The following CCNY variants were observed in gnomAD, a reference collection of about 807,000 sequenced individuals.
CCNY encodes the protein cyclin Y.
A neutral mutation model predicts 42.8 loss-of-function variants in CCNY; 19 were observed. That is an observed-to-expected ratio of 0.44 (90% CI 0.31 to 0.65). The LOEUF (loss-of-function observed/expected upper bound fraction) is 0.65, where lower values mean the gene tolerates loss of function less well. Ranked by LOEUF, CCNY falls within the 30% of genes least tolerant of loss-of-function variation. The pLI, the probability that CCNY is intolerant of heterozygous loss-of-function variation, is 0.07. For synonymous variants in CCNY, 165 were observed against 162.7 expected (o/e 1.01, Z -0.11); for missense variants, 370 against 437.3 (o/e 0.85, Z 1.37).
At chr10:35,480,354 G>C (rs1839639468) in intron 1 of CCNY, among the ~76,000 whole-genome samples, 1 of 152,296 alleles carries the variant, frequency 6.6e-6, no homozygotes, top group East Asian at 1.9e-4. Flanking sequence ...TTCCCCCACA[G>C]AGAACAAGTG....
chr10:35,351,750 A>C (rs765073313), intron 1 of CCNY, among the ~76,000 whole-genome samples: 7 of 152,340 alleles, frequency 4.6e-5, no homozygotes, highest in Admixed American at 2.0e-4. Context: ...AGATACCCTT[A>C]CAGGACCTTT....
At chr10:35,300,593 G>A (rs1835522304) in intron 3 of CCNY, among the ~76,000 whole-genome samples, 2 of 151,738 alleles carry the variant, frequency 1.3e-5, no homozygotes, top group South Asian at 4.2e-4. Flanking sequence ...TTTTGCATTC[G>A]CTTATACAAT....
intron 1 of CCNY, among the ~76,000 whole-genome samples, chr10:35,382,000 A>G (rs908267047): frequency 2.0e-5 from 3 of 152,230 alleles, no homozygotes; most frequent in Admixed American, 2.0e-4. Context: ...TCAAGAAAAT[A>G]ATAGTTACTG....
At chr10:35,459,742 A>G (rs1839116436) in intron 1 of CCNY, among the ~76,000 whole-genome samples, 1 of 152,174 alleles carries the variant, frequency 6.6e-6, no homozygotes, top group Non-Finnish European at 1.5e-5. Flanking sequence ...TTGCACCATC[A>G]TGACTTGCCT....
intron 7 of CCNY, among the ~76,000 whole-genome samples, chr10:35,544,420 A>G (rs556384523): frequency 6.6e-6 from 1 of 152,244 alleles, no homozygotes; most frequent in Non-Finnish European, 1.5e-5. Flanking sequence ...TTGGAGCAAT[A>G]GGTCATACCA....
upstream of CCNY, among the ~76,000 whole-genome samples, chr10:35,334,880 C>T (rs1835992145): frequency 6.6e-6 from 1 of 152,172 alleles, no homozygotes; most frequent in Non-Finnish European, 1.5e-5. Context: ...ATATCAAGTC[C>T]CTTATTCCTT....
At chr10:35,427,679 G>A (rs1471899823) in intron 1 of CCNY, among the ~76,000 whole-genome samples, 1 of 152,236 alleles carries the variant, frequency 6.6e-6, no homozygotes, top group Admixed American at 6.5e-5. Flanking sequence ...AGGGTCATAT[G>A]TGTAAATAAA....
chr10:35,322,666 C>T (rs926457311), intron 3 of CCNY, among the ~76,000 whole-genome samples: 1 of 152,140 alleles, frequency 6.6e-6, no homozygotes, highest in Non-Finnish European at 1.5e-5. Flanking sequence ...AGCAACCCAA[C>T]TAAATTGGAA....
chr10:35,511,551 CA>C (rs2135402398), intron 3 of CCNY, among the ~76,000 whole-genome samples: 1 of 152,300 alleles, frequency 6.6e-6, no homozygotes, highest in Admixed American at 6.5e-5. Context: ...TGCAGAACCC[CA>C]GAGAGGGAGG....
At chr10:35,409,906 C>T (rs1485444854) in intron 1 of CCNY, among the ~76,000 whole-genome samples, 3 of 151,870 alleles carry the variant, frequency 2.0e-5, no homozygotes, top group African/African-American at 7.3e-5. Context: ...GTTACCATGC[C>T]TGGCTAATTT....
chr10:35,389,760 T>A (rs1837373736), intron 1 of CCNY, among the ~76,000 whole-genome samples: 1 of 152,176 alleles, frequency 6.6e-6, no homozygotes, highest in Non-Finnish European at 1.5e-5. Flanking sequence ...CTTAAAGTAG[T>A]GAGAACTCAA....
intron 3 of CCNY, among the ~76,000 whole-genome samples, chr10:35,298,053 A>T (rs1436069880): frequency 6.6e-6 from 1 of 152,188 alleles, no homozygotes; most frequent in Non-Finnish European, 1.5e-5. Context: ...CTAAGCAAAA[A>T]GAACAAAGCT....
intron 1 of CCNY, among the ~76,000 whole-genome samples, chr10:35,363,014 C>T (rs1421671113): frequency 4.6e-5 from 7 of 150,620 alleles, no homozygotes; most frequent in Admixed American, 1.3e-4. Context: ...CTCCTCACTT[C>T]CCAGGTGGTG....
At chr10:35,343,065 C>T (rs1026034172) in intron 1 of CCNY, among the ~76,000 whole-genome samples, 8 of 148,438 alleles carry the variant, frequency 5.4e-5, no homozygotes, top group African/African-American at 7.5e-5. Context: ...TGCAGTGGCG[C>T]GATCTTGGCT....
At chr10:35,502,823 C>T (rs2135392463) in intron 3 of CCNY, among the ~76,000 whole-genome samples, 1 of 152,152 alleles carries the variant, frequency 6.6e-6, no homozygotes, top group South Asian at 2.1e-4. Flanking sequence ...TAAATCCTTG[C>T]TTCCATTTCT....
chr10:35,401,746 G>T (rs775095023), intron 1 of CCNY, among the ~76,000 whole-genome samples: 18 of 152,212 alleles, frequency 1.2e-4, no homozygotes, highest in Non-Finnish European at 2.2e-4. Flanking sequence ...TGGGATAGAC[G>T]ATGGAGTTAA....
chr10:35,555,322 C>G (rs1038117473), intron 8 of CCNY, among the ~76,000 whole-genome samples: 14 of 152,114 alleles, frequency 9.2e-5, no homozygotes, highest in African/African-American at 3.4e-4. Context: ...TTTAAACATT[C>G]ATTTTTAATT....
chr10:35,257,434 C>T (rs1313555282), intron 3 of CCNY, among the ~76,000 whole-genome samples: 4 of 151,906 alleles, frequency 2.6e-5, no homozygotes, highest in Non-Finnish European at 5.9e-5. Context: ...CACACCACTA[C>T]ACCTGGCTCT....
chr10:35,310,081 C>T (rs966220149), intron 3 of CCNY, among the ~76,000 whole-genome samples: 1 of 151,832 alleles, frequency 6.6e-6, no homozygotes, highest in Non-Finnish European at 1.5e-5. Context: ...ATTACAGGCA[C>T]GAGCCACTGC....
Sources: allele counts gnomAD v4.1 joint callset (sites outside exome capture counted in the v4.1 genomes callset), GRCh38; gene constraint gnomAD v4.1.1; transcripts MANE v1.5; gene names NCBI Gene and HGNC (gene_info 2026-07-23, HGNC 2026-07-21).